LRTM3: variants seen among roughly 807,000 people sequenced by gnomAD.
LRTM3 encodes the protein leucine rich repeat transmembrane protein 3, also known as leucine-rich repeat transmembrane protein 3.
chr13:102,744,882 C>G, the LRTM3 span: 2 of 1,550,694 alleles, frequency 1.3e-6, no homozygotes, highest in Non-Finnish European at 1.7e-6. Flanking sequence ...TTAAACTCTG[C>G]CTTTTCCCCT....
chr13:102,740,969 C>G, the LRTM3 span: 9 of 1,550,138 alleles, frequency 5.8e-6, no homozygotes, highest in Non-Finnish European at 7.9e-6. Context: ...TCCTTCTGAA[C>G]ATGGAGGTTG....
the LRTM3 span, chr13:102,748,231 G>T: frequency 6.4e-7 from 1 of 1,551,098 alleles, no homozygotes; most frequent in Non-Finnish European, 8.7e-7. Context: ...TTCCAGTGTT[G>T]CATTCCAGTT....
the LRTM3 span, chr13:102,747,806 GAA>G: frequency 6.4e-7 from 1 of 1,551,258 alleles, no homozygotes; most frequent in Non-Finnish European, 8.7e-7. Context: ...AGTTTGTGTA[GAA>G]AGAGTTTGTG....
the LRTM3 span, chr13:102,747,933 G>A: frequency 6.4e-7 from 1 of 1,551,288 alleles, no homozygotes. Flanking sequence ...CTGAAGCCTT[G>A]TGTCAGCTCT....
the LRTM3 span, chr13:102,732,343 G>A: frequency 2.6e-6 from 4 of 1,551,244 alleles, no homozygotes; most frequent in African/African-American, 1.4e-5. Context: ...TCTTTCTATT[G>A]CTTGGTGTAC....
the LRTM3 span, chr13:102,739,927 A>T: frequency 6.5e-7 from 1 of 1,550,352 alleles, no homozygotes; most frequent in Non-Finnish European, 8.7e-7. Context: ...CACCACAGTC[A>T]CTGGTATTGA....
At chr13:102,742,367 G>C in the LRTM3 span, 3 of 1,546,352 alleles carry the variant, frequency 1.9e-6, no homozygotes, top group Middle Eastern at 1.7e-4. Context: ...AGAAATAGAT[G>C]TGTAGGGATT....
the LRTM3 span, among the ~76,000 whole-genome samples, chr13:102,757,607 G>A: frequency 6.6e-6 from 1 of 152,140 alleles, no homozygotes; most frequent in African/African-American, 2.4e-5. Flanking sequence ...TCATGTCCTG[G>A]AATGTCTTTC....
chr13:102,741,023 G>A, the LRTM3 span: 4 of 1,550,048 alleles, frequency 2.6e-6, no homozygotes, highest in Middle Eastern at 1.7e-4. Flanking sequence ...CTCTACCATT[G>A]GGCTTAGAAC....
At chr13:102,732,134 T>A in the LRTM3 span, 2 of 1,551,394 alleles carry the variant, frequency 1.3e-6, no homozygotes, top group Non-Finnish European at 1.7e-6. Flanking sequence ...TGTTAAAGTG[T>A]CTCTCTTAGA....
the LRTM3 span, chr13:102,736,644 C>T: frequency 1.9e-6 from 3 of 1,550,920 alleles, no homozygotes; most frequent in Admixed American, 2.0e-5. Context: ...ACTATTTCCA[C>T]CTCACCTTCT....
the LRTM3 span, chr13:102,744,762 T>A: frequency 6.4e-7 from 1 of 1,550,792 alleles, no homozygotes; most frequent in African/African-American, 1.4e-5. Flanking sequence ...TGTACATTCA[T>A]GTTCATTGCA....
the LRTM3 span, chr13:102,733,610 G>T: frequency 6.4e-7 from 1 of 1,551,216 alleles, no homozygotes; most frequent in Non-Finnish European, 8.7e-7. Context: ...GGAAAGAAAC[G>T]CAGTTAAAGT....
chr13:102,741,898 A>G, the LRTM3 span: 6 of 1,550,280 alleles, frequency 3.9e-6, no homozygotes, highest in South Asian at 7.1e-5. Flanking sequence ...ACGGTCCAAT[A>G]TAGTATTGGG....
the LRTM3 span, chr13:102,730,728 T>G: frequency 6.4e-7 from 1 of 1,551,834 alleles, no homozygotes; most frequent in East Asian, 2.4e-5. Context: ...CCACCAGCAT[T>G]TACGTTTTTA....
the LRTM3 span, chr13:102,746,336 TG>T: frequency 6.4e-7 from 1 of 1,550,888 alleles, no homozygotes; most frequent in Non-Finnish European, 8.7e-7. Context: ...CTCTCTGTCA[TG>T]GGATATGCTA....
At chr13:102,734,706 T>G in the LRTM3 span, 1 of 1,551,236 alleles carries the variant, frequency 6.4e-7, no homozygotes, top group East Asian at 2.4e-5. Context: ...AAAATAGGTC[T>G]TTTAAGTCTT....
chr13:102,736,474 C>T, the LRTM3 span: 53 of 1,551,030 alleles, frequency 3.4e-5, 1 homozygote, highest in South Asian at 5.4e-4. Context: ...TCTCTGTTGG[C>T]TTTGTAGGTG....
the LRTM3 span, chr13:102,731,719 G>A: frequency 5.2e-6 from 8 of 1,551,150 alleles, no homozygotes; most frequent in Admixed American, 3.9e-5. Context: ...TTTTGACTTC[G>A]CTACTTTTAA....
Sources: allele counts gnomAD v4.1 joint callset (sites outside exome capture counted in the v4.1 genomes callset), GRCh38; gene constraint gnomAD v4.1.1; transcripts MANE v1.5; gene names NCBI Gene and HGNC (gene_info 2026-07-23, HGNC 2026-07-21).